PCDHGA3: variants seen among roughly 807,000 people sequenced by gnomAD.
PCDHGA3 encodes the protein protocadherin gamma-A3.
A neutral mutation model predicts 58.5 loss-of-function variants in PCDHGA3; 40 were observed. The ratio of observed to expected loss-of-function variants is 0.68; its 90% CI spans 0.53 to 0.89. The LOEUF (loss-of-function observed/expected upper bound fraction) is 0.89, where lower values mean the gene tolerates loss of function less well. PCDHGA3 is among the 40% of genes least tolerant of loss of function. The pLI is 0.00. For missense variants in PCDHGA3, 1,223 were observed against 1,195.9 expected (o/e 1.02, Z -0.33); for synonymous variants, 530 against 525.7 (o/e 1.01, Z -0.11).
At chr5:141,394,285 T>C (rs1463926417) in intron 1 of PCDHGA3, 2 of 1,613,942 alleles carry the variant, frequency 1.2e-6, no homozygotes, top group Admixed American at 1.7e-5. Context: ...ACTTACTCTG[T>C]GACCGAGGAC....
At chr5:141,390,649 G>A in intron 1 of PCDHGA3, 1 of 210,770 alleles carries the variant, frequency 4.7e-6, no homozygotes, top group Non-Finnish European at 9.4e-6. Flanking sequence ...TTTTCAGCTT[G>A]GATATACCAT....
At chr5:141,379,080 G>C (rs1467577464) in intron 1 of PCDHGA3, 1 of 152,176 alleles carries the variant, frequency 6.6e-6, no homozygotes, top group Non-Finnish European at 1.5e-5. Flanking sequence ...ATCTGAATTT[G>C]TTATGAATGT....
intron 1 of PCDHGA3, among the ~76,000 whole-genome samples, chr5:141,426,005 G>A (rs189148799): frequency 4.1e-4 from 63 of 152,202 alleles, no homozygotes; most frequent in Admixed American, 2.1e-3. Flanking sequence ...AAAGGCTTCC[G>A]GCTGCAGTTT....
Position 141,398,085 on chromosome 5 carries a change from T to C in PCDHGA3, c.2424+51628T>C, listed in dbSNP as rs140389005. 4,220 of 1,598,288 alleles carry C rather than the reference T, an allele frequency of 2.6e-3. 81 individuals carry two copies. In the African/African-American group the frequency reaches 0.047, roughly 18 times the overall value. ...TACAATACAGAGGTTATTTGTAACCTGGCGTCTCCAGGCTGGTGAGCAAGC... is the reference window on the plus strand; with the variant it reads ...TACAATACAGAGGTTATTTGTAACCCGGCGTCTCCAGGCTGGTGAGCAAGC... On this transcript the variant is annotated intron_variant, in intron 1 of 3. Coordinates refer to ENST00000253812, the MANE Select transcript of PCDHGA3 (RefSeq NM_018916.4).
intron 1 of PCDHGA3, chr5:141,440,405 CCACTG>C (rs2098176019): frequency 6.6e-6 from 1 of 152,126 alleles, no homozygotes; most frequent in South Asian, 2.1e-4. Flanking sequence ...GGCAATCGCA[CCACTG>C]CACTCCAGCC....
At chr5:141,403,146 G>T (rs1400601984) in intron 1 of PCDHGA3, 2 of 1,614,056 alleles carry the variant, frequency 1.2e-6, no homozygotes, top group Middle Eastern at 1.6e-4. Context: ...CGCCGAGTCC[G>T]CATCGTCTCT....
chr5:141,499,725 C>T (rs554409998), intron 2 of PCDHGA3, among the ~76,000 whole-genome samples: 3 of 138,474 alleles, frequency 2.2e-5, no homozygotes, highest in African/African-American at 5.4e-5. Context: ...GACAGAGTCT[C>T]ACTCTCTTGC....
At position 141,419,268 on chromosome 5, in the gene PCDHGA3, C is replaced by T. The variant is rs1240259934; in HGVS notation, c.2424+72811C>T. 6.2e-6 allele frequency: 10 copies of T among 1,614,050 alleles called. No homozygotes were observed. The East Asian group carries it at 2.2e-4, about 36-fold the overall frequency. ...CCAGAAAACAACCAGCCGGGTGCCT[C>T]CATAGCGCAAGTCAGTGCCTCTGAC... is the stretch of plus-strand genomic sequence containing the variant. On this transcript the variant is annotated intron_variant, in intron 1 of 3. Transcript: ENST00000253812.
In PCDHGA3 at chr5:141,413,305, G is replaced by A. The variant is rs780711139; in HGVS notation, c.2424+66848G>A. 1.5e-5 allele frequency: 25 copies of A among 1,613,870 alleles called. No individual in the cohort carries two copies. The South Asian group carries it at 2.0e-4, about 13-fold the overall frequency. ...CTCCTACTCAATTCCTGAGGAATTA[G>A]AGAAAGGCTCTTTCGTGGGCAACAT... is the stretch of plus-strand genomic sequence containing the variant. On this transcript the variant is annotated intron_variant, in intron 1 of 3. Transcript: ENST00000253812.
intron 1 of PCDHGA3, chr5:141,374,799 C>T (rs1177554784): frequency 3.1e-6 from 5 of 1,613,978 alleles, no homozygotes; most frequent in African/African-American, 2.7e-5. Flanking sequence ...AATGACAACA[C>T]TCCAATGTTT....
At chr5:141,430,910 G>T in intron 1 of PCDHGA3, 2 of 1,608,040 alleles carry the variant, frequency 1.2e-6, no homozygotes, top group Middle Eastern at 1.7e-4. Context: ...CATCTCCAGG[G>T]ACCTGGGGCT....
rs776773140 is a variant in PCDHGA3, at chr5:141,476,589, G to A, written c.2425-18218G>A. 5 of 1,614,246 alleles carry A rather than the reference G, an allele frequency of 3.1e-6. No individual in the cohort carries two copies. Among genetic ancestry groups the A allele is most frequent in the Non-Finnish European group, 4.2e-6 (5 of 1,180,046 alleles). On this transcript the variant is annotated intron_variant, in intron 1 of 3. Coordinates refer to ENST00000253812, the MANE Select transcript of PCDHGA3 (RefSeq NM_018916.4). This position sits in a 1 kb window ranked among gnomAD's most constrained non-coding sequence, Gnocchi z 7.6. ...CCGGGGACGCGCTTTCCGCTCGAGA[G>A]CGCGCACGATCCCGATGTGGGAAGC...
chr5:141,371,355 G>T (rs369960328), intron 1 of PCDHGA3: 6 of 1,613,974 alleles, frequency 3.7e-6, no homozygotes, highest in Non-Finnish European at 3.4e-6. Flanking sequence ...TGGGGTGGAA[G>T]CAAAGGATGG....
chr5:141,366,210 G>T (rs374658125), intron 1 of PCDHGA3: 73 of 1,613,682 alleles, frequency 4.5e-5, no homozygotes, highest in Non-Finnish European at 6.2e-5. Context: ...GGCGAGGTGC[G>T]CACAGCGCGA....
chr5:141,376,633 G>T, intron 1 of PCDHGA3: 15 of 913,104 alleles, frequency 1.6e-5, no homozygotes, highest in East Asian at 3.6e-5. Flanking sequence ...GAAGATTCGT[G>T]ATTTTGTAAA....
chr5:141,508,479 T>G (rs1361434920), intron 3 of PCDHGA3, among the ~76,000 whole-genome samples: 1 of 152,152 alleles, frequency 6.6e-6, no homozygotes, highest in Non-Finnish European at 1.5e-5. Flanking sequence ...TCTTTTACAT[T>G]CTGGATTTCC....
Position 141,487,297 on chromosome 5 carries a change from C to T in PCDHGA3, c.2425-7510C>T, listed in dbSNP as rs770262058. ...TTTGCTTTGTCTCCTTTGGCTCATT[C>T]GTGGCACTACTCTCTAAGTGTCTTC... On this transcript the variant is annotated intron_variant, in intron 1 of 3. Coordinates refer to ENST00000253812, the MANE Select transcript of PCDHGA3 (RefSeq NM_018916.4). This position sits in a 1 kb window ranked among gnomAD's most constrained non-coding sequence, Gnocchi z 5.0. The T allele has an allele frequency of 3.2e-5, 52 of 1,613,984 alleles. No homozygotes were observed. The highest frequency in any genetic ancestry group is 4.0e-5 in the African/African-American group (3 of 74,912).
intron 1 of PCDHGA3, chr5:141,413,935 A>G: frequency 1.2e-6 from 2 of 1,613,372 alleles, no homozygotes; most frequent in Non-Finnish European, 1.7e-6. Flanking sequence ...ATACCGAGTG[A>G]GTGTTCCTGA....
chr5:141,441,993 G>T (rs577673608), intron 1 of PCDHGA3: 16 of 251,180 alleles, frequency 6.4e-5, no homozygotes, highest in East Asian at 3.9e-4. Flanking sequence ...CACCGACGAG[G>T]TGCTGACAGC....
Sources: allele counts gnomAD v4.1 joint callset (sites outside exome capture counted in the v4.1 genomes callset), GRCh38; gene constraint gnomAD v4.1.1; non-coding constraint Gnocchi (gnomAD v3.1); transcripts MANE v1.5; gene names NCBI Gene and HGNC (gene_info 2026-07-23, HGNC 2026-07-21).